The following HDAC9 variants were observed in gnomAD, a reference collection of about 807,000 sequenced individuals.
HDAC9 encodes the protein MEF-2 interacting transcription repressor (MITR) protein.
Under a neutral mutation model 139.4 loss-of-function variants are expected in HDAC9, and 41 were observed. The ratio of observed to expected loss-of-function variants is 0.29; its 90% CI spans 0.23 to 0.38. The LOEUF (loss-of-function observed/expected upper bound fraction) is 0.38, where lower values mean the gene tolerates loss of function less well. Among genes scored for constraint, HDAC9 ranks in the 10% least tolerant of loss-of-function variants. The pLI is 1.00. For synonymous variants in HDAC9, 517 were observed against 476.2 expected, an observed-to-expected ratio of 1.09 and a Z score of -1.12; for missense variants, 1,147 against 1,297.0, an observed-to-expected ratio of 0.88 and a Z score of 1.78.
rs1028905499 is a variant in HDAC9 at position 18,408,619 on chromosome 7, A to G, written c.-41-87643A>G. Among the ~76,000 whole-genome samples the G allele has an allele frequency of 4.6e-5, 7 of 152,310 alleles. No individual in the cohort carries two copies. The South Asian group carries it at 1.4e-3, about 32-fold the overall frequency. ...GACTGAGACCAAGGACCTTGACACTAATGGGCCGTTTATGAAATTTACATA... is the reference window on the plus strand; with the variant it reads ...GACTGAGACCAAGGACCTTGACACTGATGGGCCGTTTATGAAATTTACATA... On this transcript the variant is annotated intron_variant, in intron 1 of 3. Transcript: ENST00000413509.
At chr7:18,099,981 C>A (rs1028587675) in intron 1 of HDAC9, among the ~76,000 whole-genome samples, 5 of 152,130 alleles carry the variant, frequency 3.3e-5, no homozygotes, top group Admixed American at 6.5e-5. Context: ...TTCCTTCTGC[C>A]TGACTTCCTT....
intron 1 of HDAC9, among the ~76,000 whole-genome samples, chr7:18,117,710 G>C (rs1221852077): frequency 6.6e-6 from 1 of 152,120 alleles, no homozygotes; most frequent in Admixed American, 6.5e-5. Flanking sequence ...CTGAGAGGGA[G>C]CGTGGACCTG....
At chr7:18,731,730 AT>A (rs1786066311) in intron 13 of HDAC9, among the ~76,000 whole-genome samples, 1 of 152,152 alleles carries the variant, frequency 6.6e-6, no homozygotes, top group South Asian at 2.1e-4. Context: ...GGTTCAAGTG[AT>A]TCTCCTGCCT....
At chr7:18,510,354 GAAT>G (rs1801118085) in intron 2 of HDAC9, among the ~76,000 whole-genome samples, 1 of 152,144 alleles carries the variant, frequency 6.6e-6, no homozygotes, top group African/African-American at 2.4e-5. Flanking sequence ...AAGACTGCCT[GAAT>G]ATAAATGCAT....
chr7:18,617,409 C>T (rs965153443), intron 6 of HDAC9, among the ~76,000 whole-genome samples: 3 of 152,158 alleles, frequency 2.0e-5, no homozygotes, highest in African/African-American at 7.2e-5. Flanking sequence ...AATTGAAATT[C>T]CATGAACAAA....
chr7:18,756,192 A>G (rs1371028692), intron 14 of HDAC9, among the ~76,000 whole-genome samples: 1 of 152,186 alleles, frequency 6.6e-6, no homozygotes, highest in Non-Finnish European at 1.5e-5. Flanking sequence ...TGAAACAGAA[A>G]CACAACTTCT....
chr7:18,580,442 A>G (rs893174157), intron 2 of HDAC9, among the ~76,000 whole-genome samples: 1 of 151,038 alleles, frequency 6.6e-6, no homozygotes, highest in African/African-American at 2.5e-5. Flanking sequence ...CATTTGGAAC[A>G]TAATAATATG....
At chr7:18,859,816 A>ATG (rs2129232222) in intron 21 of HDAC9, among the ~76,000 whole-genome samples, 1 of 41,326 alleles carries the variant, frequency 2.4e-5, no homozygotes, top group East Asian at 1.3e-3. Context: ...GCTCTCATAT[A>ATG]TATATATATA....
chr7:18,941,486 G>A (rs1250386140), intron 23 of HDAC9, among the ~76,000 whole-genome samples: 1 of 152,122 alleles, frequency 6.6e-6, no homozygotes, highest in Non-Finnish European at 1.5e-5. Context: ...TTGCTCATCA[G>A]GGGTTTGTTT....
At chr7:18,805,666 G>A (rs1793649185) in intron 17 of HDAC9, among the ~76,000 whole-genome samples, 1 of 152,226 alleles carries the variant, frequency 6.6e-6, no homozygotes, top group African/African-American at 2.4e-5. Context: ...CAGCCAGTGA[G>A]TGCATGACGC....
intron 14 of HDAC9, among the ~76,000 whole-genome samples, chr7:18,758,941 T>A (rs12669473): frequency 0.11 from 15,589 of 148,224 alleles, 1,242 homozygotes; most frequent in East Asian, 0.26. Context: ...AATTATTTTT[T>A]AAAAATACTT....
chr7:18,736,217 A>G (rs1786879432), intron 13 of HDAC9, among the ~76,000 whole-genome samples: 1 of 152,078 alleles, frequency 6.6e-6, no homozygotes, highest in South Asian at 2.1e-4. Context: ...CTAATTGAAT[A>G]CCCTTTATTT....
At chr7:18,835,719 C>CAATT in intron 20 of HDAC9, 133 bp downstream of exon 20, 2 of 1,296,346 alleles carry the variant, frequency 1.5e-6, no homozygotes, top group Non-Finnish European at 2.2e-6. Flanking sequence ...TCCCATGGGA[C>CAATT]CAAGAACCAG....
chr7:18,889,674 C>A (rs1158777329), intron 22 of HDAC9, among the ~76,000 whole-genome samples: 1 of 152,066 alleles, frequency 6.6e-6, no homozygotes, highest in Non-Finnish European at 1.5e-5. Flanking sequence ...CTTTATAGGA[C>A]CAACACATGG....
chr7:18,341,491 C>G (rs1489876960), intron 1 of HDAC9, among the ~76,000 whole-genome samples: 8 of 151,626 alleles, frequency 5.3e-5, no homozygotes, highest in Admixed American at 2.0e-4. Context: ...TTCAGGTATG[C>G]TAATCTTTTT....
At chr7:18,918,872 A>G (rs1285302872) in intron 22 of HDAC9, among the ~76,000 whole-genome samples, 1 of 152,016 alleles carries the variant, frequency 6.6e-6, no homozygotes, top group Non-Finnish European at 1.5e-5. Context: ...GGCCTGAACA[A>G]TTGTTTTGTG....
chr7:18,452,337 G>A (rs1586012544), intron 1 of HDAC9, among the ~76,000 whole-genome samples: 1 of 152,080 alleles, frequency 6.6e-6, no homozygotes, highest in Non-Finnish European at 1.5e-5. Flanking sequence ...GAACACATAC[G>A]CGTATGACAC....
In HDAC9 at chr7:18,434,903, G is replaced by A. The variant is rs539029014; in HGVS notation, c.-41-61359G>A. On this transcript the variant is annotated intron_variant, in intron 1 of 3. Coordinates refer to the HDAC9 transcript ENST00000413509. ...TCTCATTATCGGGTATATTCCCAAAGGAATATAAATATTTCCACCATAAAG... is the reference window on the plus strand; with the variant it reads ...TCTCATTATCGGGTATATTCCCAAAAGAATATAAATATTTCCACCATAAAG... Among the ~76,000 whole-genome samples, 5 of 151,872 alleles carry A rather than the reference G, an allele frequency of 3.3e-5. No individual in the cohort carries two copies. The East Asian group carries it at 7.7e-4, about 24-fold the overall frequency.
intron 12 of HDAC9, among the ~76,000 whole-genome samples, chr7:18,697,778 C>T (rs913694029): frequency 1.3e-5 from 2 of 150,260 alleles, no homozygotes; most frequent in African/African-American, 2.5e-5. Context: ...TACTTTGGAT[C>T]GAAATGGAAG....
Sources: allele counts gnomAD v4.1 joint callset (sites outside exome capture counted in the v4.1 genomes callset), GRCh38; gene constraint gnomAD v4.1.1; transcripts MANE v1.5; gene names NCBI Gene and HGNC (gene_info 2026-07-23, HGNC 2026-07-21).